PDK2: variants seen among roughly 807,000 people sequenced by gnomAD.
PDK2 encodes pyruvate dehydrogenase kinase, isozyme 2.
In PDK2, 34 loss-of-function variants were observed where a neutral mutation model predicts 50.4. That is an observed-to-expected ratio of 0.68 (90% CI 0.51 to 0.90). The LOEUF is 0.90. PDK2 is among the 40% of genes least tolerant of loss of function. The pLI is 0.00. For missense variants in PDK2, 377 were observed against 544.5 expected, an observed-to-expected ratio of 0.69 and a Z score of 3.06; for synonymous variants, 232 against 216.0, an observed-to-expected ratio of 1.07 and a Z score of -0.65.
intron 2 of PDK2, chr17:50,100,784 C>G (rs1175409291): frequency 6.6e-6 from 1 of 152,174 alleles, no homozygotes; most frequent in African/African-American, 2.4e-5. Context: ...AGAACCTTAT[C>G]TGAGATCACC....
At position 50,108,159 on chromosome 17, in the gene PDK2, C is replaced by T. The variant is rs1304348193; in HGVS notation, c.689C>T (p.Ala230Val). The part of the protein sequence containing the change: ...PDLEIQEINA[A>V]NSKQPIHMVY... ...TTGGTCTTGACTTGCCCTGTAGCAG[C>T]CAACTCCAAACAGCCGATTCACATG... Residue 230 changes from alanine to valine, a missense_variant, in exon 7 of 11, where the codon GCC becomes GTC. Coordinates refer to ENST00000503176, the MANE Select transcript of PDK2 (RefSeq NM_002611.5). 3.8e-6 allele frequency: 6 copies of T among 1,590,758 alleles called. No individual in the cohort carries two copies. In the Admixed American group the frequency reaches 1.1e-4, roughly 28 times the overall value.
At chr17:50,102,426 C>T (rs1420344856) in intron 2 of PDK2, among the ~76,000 whole-genome samples, 1 of 152,220 alleles carries the variant, frequency 6.6e-6, no homozygotes, top group Admixed American at 6.5e-5. Flanking sequence ...CTAAGTGAGA[C>T]TGGGACTTTG....
chr17:50,109,273 C>T lies in PDK2; in HGVS notation c.970-14C>T. On this transcript the variant is annotated splice_polypyrimidine_tract_variant and intron_variant, in intron 9 of 10. Coordinates refer to ENST00000503176, the MANE Select transcript of PDK2 (RefSeq NM_002611.5). This position sits in a 1 kb window ranked among gnomAD's most constrained non-coding sequence, Gnocchi z 5.0. Reference sequence around the variant, plus strand: ...CAGCCTCCTCATCCTCACTGCCTTCCTGCCCCGCTGCAGGCTGGCTTTGGT... The same window carrying T: ...CAGCCTCCTCATCCTCACTGCCTTCTTGCCCCGCTGCAGGCTGGCTTTGGT... 6.3e-7 allele frequency: 1 copy of T among 1,587,494 alleles called. No individual in the cohort carries two copies. The highest frequency in any genetic ancestry group is 8.6e-7 in the Non-Finnish European group (1 of 1,157,798).
chr17:50,110,096 A>G lies in PDK2; in HGVS notation c.1223A>G (p.Ter408=), dbSNP rs566718363. The G allele has an allele frequency of 1.7e-5, 28 of 1,600,224 alleles. No individual in the cohort carries two copies. The East Asian group carries it at 3.6e-4, about 21-fold the overall frequency. Residue 408 remains the stop codon, a stop_retained_variant, in exon 11 of 11, where the codon TAA becomes TGA. Transcript: ENST00000503176. The part of the protein sequence containing the change: ...PKNTSTYRVS[*] ...AACACGTCCACGTACCGCGTCAGCT[A>G]AGGGCCGCCGTGCATCTGCACCTGA...
Position 50,106,602 on chromosome 17 carries a change from G to A in PDK2, c.518-192G>A, listed in dbSNP as rs539670200. ...TTCAGGTTTGCAAAGGTTTAAAAAC[G>A]GCCTAAGCCAGGGCTGGAGGGGTCA... On this transcript the variant is annotated intron_variant, in intron 4 of 10. Transcript: ENST00000503176. 3.0e-5 allele frequency: 18 copies of A among 604,036 alleles called. No homozygotes were observed. In the East Asian group the frequency reaches 3.3e-4, roughly 11 times the overall value. 37.4% of individuals were successfully genotyped at this position (604,036 alleles called of 1,614,324 possible).
At position 50,109,247 on chromosome 17, in the gene PDK2, C is replaced by A; in HGVS notation, c.970-40C>A. The A allele has an allele frequency of 1.5e-6, 2 of 1,359,248 alleles. No homozygotes were observed. Among genetic ancestry groups the A allele is most frequent in the Non-Finnish European group, 2.1e-6 (2 of 956,360 alleles). The allele number at this position is 1,359,248 out of a possible 1,614,324, so 84.2% of individuals were successfully genotyped here. On this transcript the variant is annotated intron_variant, in intron 9 of 10. Transcript: ENST00000503176. The surrounding 1 kb of genome is among the most constrained non-coding windows in gnomAD (Gnocchi z 5.0). ...TCCCTGCAGCTCCAGGAGGCCCCTG[C>A]CAGCCTCCTCATCCTCACTGCCTTC...
intron 1 of PDK2, among the ~76,000 whole-genome samples, chr17:50,096,590 C>G (rs1451257686): frequency 3.3e-5 from 5 of 152,130 alleles, no homozygotes; most frequent in Admixed American, 1.3e-4. Flanking sequence ...TGAGCCTCCC[C>G]CATGTAGGAA....
intron 2 of PDK2, among the ~76,000 whole-genome samples, chr17:50,102,578 C>T (rs1420790439): frequency 1.3e-5 from 2 of 152,228 alleles, no homozygotes; most frequent in Non-Finnish European, 2.9e-5. Flanking sequence ...CTCCTCTCCC[C>T]ACCTGCCCCT....
chr17:50,095,297 GA>G (rs1362558713), upstream of PDK2: 4 of 596,744 alleles, frequency 6.7e-6, no homozygotes, highest in South Asian at 4.3e-5. Context: ...GAGGCGCCAT[GA>G]CGAGCCGATT....
intron 4 of PDK2, 140 bp from the exon 5 acceptor site, chr17:50,106,654 G>C (rs1002389186): frequency 1.7e-5 from 12 of 705,762 alleles, no homozygotes; most frequent in South Asian, 8.7e-5. Flanking sequence ...GGACAGAAGC[G>C]GGGGAGTGGG....
rs1910011889 is a variant in PDK2 at position 50,097,514 on chromosome 17, G to C, written c.210G>C (p.Leu70=). Residue 70 remains leucine (L), a synonymous_variant, in exon 2 of 11, where the codon CTG becomes CTC. Coordinates refer to ENST00000503176, the MANE Select transcript of PDK2 (RefSeq NM_002611.5). ...RLANIMKEIN[L]LPDRVLSTPS... The stretch of plus-strand genomic sequence containing the variant: ...CCAACATCATGAAAGAGATCAACCT[G>C]CTTCCCGACCGAGTGCTGAGCACAC... The C allele has an allele frequency of 6.2e-7, 1 of 1,613,762 alleles. No homozygotes were observed. The highest frequency in any genetic ancestry group is 1.1e-5 in the South Asian group (1 of 91,082).
upstream of PDK2, chr17:50,095,193 T>G: frequency 4.8e-5 from 20 of 414,820 alleles, no homozygotes; most frequent in East Asian, 1.2e-4. Context: ...CGGCAAAGCG[T>G]GGGTTAAGGG....
At chr17:50,095,636 GAAGA>G in intron 1 of PDK2, 83 bp downstream of exon 1, 1 of 1,501,912 alleles carries the variant, frequency 6.7e-7, no homozygotes, top group Non-Finnish European at 9.0e-7. Context: ...GGACGGAGGA[GAAGA>G]AAGGCCCCGA....
intron 1 of PDK2, 123 bp from the exon 2 acceptor site, chr17:50,097,300 G>A (rs1009953420): frequency 6.4e-6 from 6 of 934,124 alleles, no homozygotes; most frequent in African/African-American, 1.6e-5. Context: ...CTTGCTGTGT[G>A]CCCCGGGCAG....
chr17:50,103,824 C>T (rs549377321), intron 2 of PDK2, among the ~76,000 whole-genome samples: 14 of 152,246 alleles, frequency 9.2e-5, no homozygotes, highest in African/African-American at 3.1e-4. Flanking sequence ...GCTGGAGACT[C>T]GGGGGCTTCA....
intron 6 of PDK2, among the ~76,000 whole-genome samples, chr17:50,107,407 C>A (rs1339358589): frequency 6.6e-6 from 1 of 152,070 alleles, no homozygotes; most frequent in Non-Finnish European, 1.5e-5. Flanking sequence ...ATGGTGAAAC[C>A]CTGTCTCTAC....
intron 2 of PDK2, among the ~76,000 whole-genome samples, chr17:50,102,983 C>G (rs569054952): frequency 1.6e-3 from 247 of 152,368 alleles, no homozygotes; most frequent in Middle Eastern, 6.8e-3. Context: ...ACTAACCTCT[C>G]AGTGCTGGTC....
At chr17:50,095,292 G>T, upstream of PDK2, 1 of 584,596 alleles carries the variant, frequency 1.7e-6, no homozygotes. Flanking sequence ...ACGTCGAGGC[G>T]CCATGACGAG....
At chr17:50,106,512 C>T (rs1203886589) in intron 4 of PDK2, 1 of 515,698 alleles carries the variant, frequency 1.9e-6, no homozygotes, top group African/African-American at 1.9e-5. Context: ...ATGTTATAGT[C>T]AAAGAAAAGA....
Sources: allele counts gnomAD v4.1 joint callset (sites outside exome capture counted in the v4.1 genomes callset), GRCh38; gene constraint gnomAD v4.1.1; non-coding constraint Gnocchi (gnomAD v3.1); transcripts MANE v1.5; gene names NCBI Gene and HGNC (gene_info 2026-07-23, HGNC 2026-07-21).